Variants in TRPM3 observed in about 807,000 individuals in gnomAD.
TRPM3 encodes transient receptor potential cation channel subfamily M member 3, also known as long transient receptor potential channel 3.
In TRPM3, 77 loss-of-function variants were observed where a neutral mutation model predicts 181.2. That is an observed-to-expected ratio of 0.42 (90% CI 0.35 to 0.51). The LOEUF is 0.51. Among genes scored for constraint, TRPM3 ranks in the 20% least tolerant of loss-of-function variants. The probability of loss-of-function intolerance (pLI) is 0.01; values close to 1 mark genes in which losing one functional copy is unlikely to be tolerated. For synonymous variants in TRPM3, 745 were observed against 796.4 expected, an observed-to-expected ratio of 0.94 and a Z score of 1.09; for missense variants, 1,759 against 2,196.7, an observed-to-expected ratio of 0.80 and a Z score of 3.98.
chr9:70,584,833 G>A (rs192091353), intron 22 of TRPM3, among the ~76,000 whole-genome samples: 2 of 152,150 alleles, frequency 1.3e-5, no homozygotes, highest in Admixed American at 6.5e-5. Flanking sequence ...CCTAGTCCCT[G>A]TTCCCTCTCT....
In TRPM3 at chr9:71,032,886, C is replaced by CA. The variant is rs200548959; in HGVS notation, c.177+88291dup. Among the ~76,000 whole-genome samples the CA allele has an allele frequency of 5.8e-4, 88 of 152,292 alleles. No individual in the cohort carries two copies. In the East Asian group the frequency reaches 0.015, roughly 27 times the overall value. On this transcript the variant is annotated intron_variant, in intron 1 of 25. Transcript: ENST00000677713. ...AAATGTCACCTTTCTTTTTGAATTA[C>CA]ACTCTATTATTTCCTGGACTCCATT...
intron 1 of TRPM3, among the ~76,000 whole-genome samples, chr9:70,956,313 T>C (rs2097070884): frequency 7.1e-6 from 1 of 140,072 alleles, no homozygotes; most frequent in South Asian, 2.4e-4. Context: ...TTTTTTTTTT[T>C]TTTTTGCCTT....
At chr9:70,618,828 G>A (rs751737643) in intron 17 of TRPM3, 39 bp downstream of exon 17, 22 of 1,569,398 alleles carry the variant, frequency 1.4e-5, no homozygotes, top group African/African-American at 1.1e-4. Flanking sequence ...CCCACCCGCC[G>A]GTCCTCATAG....
At chr9:71,104,553 C>T (rs1390458109) in intron 1 of TRPM3, among the ~76,000 whole-genome samples, 1 of 152,156 alleles carries the variant, frequency 6.6e-6, no homozygotes, top group Non-Finnish European at 1.5e-5. Flanking sequence ...ACAAATTCCT[C>T]ATCTGAAAAC....
At chr9:70,648,894 A>T (rs151091894) in intron 9 of TRPM3, among the ~76,000 whole-genome samples, 1 of 152,248 alleles carries the variant, frequency 6.6e-6, no homozygotes, top group African/African-American at 2.4e-5. Flanking sequence ...GAAAATCCCA[A>T]GAGAAAACCT....
chr9:70,773,661 C>T (rs1228011993), intron 7 of TRPM3, among the ~76,000 whole-genome samples: 1 of 152,078 alleles, frequency 6.6e-6, no homozygotes, highest in Non-Finnish European at 1.5e-5. Context: ...TAGGCAATTG[C>T]TCAATTAGCT....
At chr9:71,070,618 C>A (rs1442871567) in intron 1 of TRPM3, among the ~76,000 whole-genome samples, 1 of 152,096 alleles carries the variant, frequency 6.6e-6, no homozygotes, top group South Asian at 2.1e-4. Context: ...TCAACTGATA[C>A]CCATGCAAAT....
In TRPM3 at chr9:70,808,856, C is replaced by T. The variant is rs982816311; in HGVS notation, c.973+18991G>A. Among the ~76,000 whole-genome samples, 21 of 152,190 alleles carry T rather than the reference C, an allele frequency of 1.4e-4. 1 individual carries two copies. Among genetic ancestry groups the T allele is most frequent in the Non-Finnish European group, 4.4e-5 (3 of 68,026 alleles). ...AGAAAGTTTGCATGATTGGGCTGAA[C>T]AGATTGTAGCACCCACAGAAGGAAA... On this transcript the variant is annotated intron_variant, in intron 6 of 25. Coordinates refer to ENST00000677713, the MANE Select transcript of TRPM3 (RefSeq NM_001366145.2).
chr9:71,224,900 A>G (rs1475755580), intron 1 of TRPM3, among the ~76,000 whole-genome samples: 2 of 152,188 alleles, frequency 1.3e-5, no homozygotes, highest in Non-Finnish European at 2.9e-5. Context: ...AAAGACAGGT[A>G]TCTGAAAATA....
chr9:71,290,352 C>A (rs1019647836), intron 1 of TRPM3, among the ~76,000 whole-genome samples: 2 of 151,796 alleles, frequency 1.3e-5, no homozygotes, highest in Non-Finnish European at 2.9e-5. Context: ...AAAAAAGAGA[C>A]CTACAAATGA....
At chr9:70,939,576 G>A (rs1039980185) in intron 1 of TRPM3, among the ~76,000 whole-genome samples, 2 of 152,152 alleles carry the variant, frequency 1.3e-5, no homozygotes, top group Non-Finnish European at 2.9e-5. Flanking sequence ...AATCAGATGT[G>A]CCCACAAGGG....
At chr9:71,176,711 G>C (rs12551864) in intron 1 of TRPM3, among the ~76,000 whole-genome samples, 8,467 of 151,954 alleles carry the variant, frequency 0.056, 274 homozygotes, top group East Asian at 0.12. Context: ...CCAGTCCTGC[G>C]AGCTCCATTC....
intron 1 of TRPM3, among the ~76,000 whole-genome samples, chr9:71,239,079 A>G (rs2081522780): frequency 6.6e-6 from 1 of 152,038 alleles, no homozygotes; most frequent in Admixed American, 6.6e-5. Flanking sequence ...AAGGAAAAAA[A>G]CAAACAAACA....
At chr9:71,209,635 T>C (rs2079355709) in intron 1 of TRPM3, among the ~76,000 whole-genome samples, 1 of 152,190 alleles carries the variant, frequency 6.6e-6, no homozygotes, top group African/African-American at 2.4e-5. Flanking sequence ...AAGTTATCTG[T>C]GGCAGGCGCT....
rs140238919 is a variant in TRPM3, at chr9:71,061,826, T to C, written c.177+59352A>G. Among the ~76,000 whole-genome samples the C allele has an allele frequency of 1.3e-4, 20 of 152,214 alleles. No individual in the cohort carries two copies. In the East Asian group the frequency reaches 3.7e-3, roughly 28 times the overall value. ...TGCTGATTTTACATTGTATCCTTACTGTGTAATAAACCTCAGCCATGAATA... is the reference window on the plus strand; with the variant it reads ...TGCTGATTTTACATTGTATCCTTACCGTGTAATAAACCTCAGCCATGAATA... On this transcript the variant is annotated intron_variant, in intron 1 of 25. Coordinates refer to ENST00000677713, the MANE Select transcript of TRPM3 (RefSeq NM_001366145.2).
At chr9:70,996,556 C>T (rs976100019) in intron 1 of TRPM3, among the ~76,000 whole-genome samples, 1 of 152,188 alleles carries the variant, frequency 6.6e-6, no homozygotes, top group African/African-American at 2.4e-5. Context: ...ACAGCCATGG[C>T]ATTCAGATTA....
rs2075823676 is a variant in TRPM3, at chr9:71,153,199, C to T, written c.184-288688G>A. On this transcript the variant is annotated intron_variant, in intron 1 of 24. Coordinates refer to the TRPM3 transcript ENST00000357533. ...ACAGTACTTGTCACATGACAATTTTCTATTTTAATTACCTTTTTGCTAATT... is the reference window on the plus strand; with the variant it reads ...ACAGTACTTGTCACATGACAATTTTTTATTTTAATTACCTTTTTGCTAATT... Among the ~76,000 whole-genome samples the T allele has an allele frequency of 2.0e-5, 3 of 151,970 alleles. No individual in the cohort carries two copies. In the South Asian group the frequency reaches 6.3e-4, roughly 32 times the overall value.
At chr9:70,898,425 A>G (rs1039042491) in intron 1 of TRPM3, among the ~76,000 whole-genome samples, 3 of 150,530 alleles carry the variant, frequency 2.0e-5, no homozygotes, top group African/African-American at 7.3e-5. Flanking sequence ...CCCGGCCACA[A>G]TAAATTTAAA....
chr9:71,041,085 A>T (rs1008779036), intron 1 of TRPM3, among the ~76,000 whole-genome samples: 10 of 152,184 alleles, frequency 6.6e-5, no homozygotes, highest in Non-Finnish European at 2.9e-5. Context: ...CCTGAATTTG[A>T]TCACTGTACT....
Sources: gnomAD v4.1 joint callset for allele counts (sites outside exome capture counted in the v4.1 genomes callset) on GRCh38, gnomAD v4.1.1 for gene constraint, MANE v1.5 for transcripts, NCBI Gene and HGNC (gene_info 2026-07-23, HGNC 2026-07-21) for gene names.